IFI44L: variants seen among roughly 807,000 people sequenced by gnomAD.
The protein encoded by IFI44L is interferon-induced protein 44-like.
In IFI44L, 40 loss-of-function variants were observed where a neutral mutation model predicts 39.3. The observed-to-expected ratio is 1.02, with a 90% CI of 0.79 to 1.33. The LOEUF (loss-of-function observed/expected upper bound fraction) is 1.33. IFI44L is among the 40% of genes most tolerant of loss of function. The pLI is 0.00. For synonymous variants in IFI44L, 198 were observed against 182.3 expected, an observed-to-expected ratio of 1.09 and a Z score of -0.69; for missense variants, 623 against 549.0, an observed-to-expected ratio of 1.13 and a Z score of -1.35.
chr1:78,624,066 G>T (rs114998348), intron 1 of IFI44L, among the ~76,000 whole-genome samples: 3,706 of 151,864 alleles, frequency 0.024, 75 homozygotes, highest in East Asian at 0.1. Flanking sequence ...GGAGTGCAGT[G>T]GTGCAATCTC....
chr1:78,643,905 A>G lies in IFI44L; in HGVS notation c.*2096A>G, dbSNP rs1040322771. The stretch of plus-strand genomic sequence containing the variant: ...GCTAACAGTCATGCTGTAAGTAGCT[A>G]CAGGGAATTGGCTTAAAGGGCAAGT... On this transcript the variant is annotated 3_prime_UTR_variant, in exon 9 of 9. Transcript: ENST00000370751. 1 of 152,180 alleles carries G rather than the reference A, an allele frequency of 6.6e-6. No individual in the cohort carries two copies. Among genetic ancestry groups the G allele is most frequent in the Admixed American group, 6.6e-5 (1 of 15,262 alleles). The allele number at this position is 152,180 out of a possible 1,614,324, so 9.4% of individuals were successfully genotyped here. A position where few individuals can be genotyped will look rare whatever the true frequency, so the allele number is the denominator to read the frequency against.
Position 78,628,307 on chromosome 1 carries a change from A to T in IFI44L, c.392A>T (p.Tyr131Phe). 6.2e-7 allele frequency: 1 copy of T among 1,604,846 alleles called. No homozygotes were observed. ...ATTATATGTCGAGATAATAAAATTT[A>T]TCTAGATAAAATGATAACAAGAAAC... Reference protein sequence around the residue: ...IFIICRDNKIYLDKMITRNLK... With the variant: ...IFIICRDNKIFLDKMITRNLK... Residue 131 changes from tyrosine (Y) to phenylalanine (F), a missense_variant, in exon 2 of 9, where the codon TAT (tyrosine) becomes TTT (phenylalanine). Transcript: ENST00000370751.
At chr1:78,631,444 A>G (rs1330426030) in intron 4 of IFI44L, 1 of 152,162 alleles carries the variant, frequency 6.6e-6, no homozygotes, top group African/African-American at 2.4e-5. Flanking sequence ...ATTACAGATT[A>G]CAATAAGTCA....
At chr1:78,622,669 C>T (rs903535872) in intron 1 of IFI44L, among the ~76,000 whole-genome samples, 1 of 152,164 alleles carries the variant, frequency 6.6e-6, no homozygotes, top group African/African-American at 2.4e-5. Context: ...GAGATTCTCT[C>T]CCTTGCTGGT....
intron 1 of IFI44L, among the ~76,000 whole-genome samples, chr1:78,622,552 G>A (rs1461034133): frequency 6.6e-6 from 1 of 151,734 alleles, no homozygotes; most frequent in African/African-American, 2.4e-5. Context: ...TAATACTCAT[G>A]TCCGTGTATA....
At position 78,645,465 on chromosome 1, in the gene IFI44L, G is replaced by C. The variant is rs1647036076; in HGVS notation, c.*3656G>C. 6.6e-6 allele frequency: 1 copy of C among 152,138 alleles called. No homozygotes were observed. Among genetic ancestry groups the C allele is most frequent in the Admixed American group, 6.6e-5 (1 of 15,252 alleles). The allele number at this position is 152,138 out of a possible 1,614,324, so 9.4% of individuals were successfully genotyped here. A position where few individuals can be genotyped will look rare whatever the true frequency, so the allele number is the denominator to read the frequency against. On this transcript the variant is annotated 3_prime_UTR_variant, in exon 9 of 9. Coordinates refer to ENST00000370751, the MANE Select transcript of IFI44L (RefSeq NM_006820.4). Reference sequence around the variant, plus strand: ...AGATAAATTTAAAGACTATCACATTGCTTTTTCATAAAACAAGACAGGTCT... The same window carrying C: ...AGATAAATTTAAAGACTATCACATTCCTTTTTCATAAAACAAGACAGGTCT...
intron 5 of IFI44L, 157 bp from the exon 6 acceptor site, chr1:78,636,875 G>T: frequency 1.8e-6 from 1 of 566,444 alleles, no homozygotes; most frequent in East Asian, 3.2e-5. Flanking sequence ...GCTCACAGTG[G>T]AAAGGAAGTA....
rs1308367454 is a variant in IFI44L, at chr1:78,627,983, C to T, written c.68C>T (p.Ser23Phe). 2.5e-6 allele frequency: 4 copies of T among 1,610,936 alleles called. No individual in the cohort carries two copies. Among genetic ancestry groups the T allele is most frequent in the Admixed American group, 3.4e-5 (2 of 59,430 alleles). Residue 23 changes from serine (S) to phenylalanine (F), a missense_variant, in exon 2 of 9, where the codon TCT becomes TTT. Physicochemically the swap from Ser to Phe is radical, Grantham distance 155 (BLOSUM62 -2). Coordinates refer to ENST00000370751, the MANE Select transcript of IFI44L (RefSeq NM_006820.4). ...CTGCGCAAGCTGCTTGGAAATGTTT[C>T]TTTGAGTCTTCTCTATAAGTCTAGT... is the stretch of plus-strand genomic sequence containing the variant. Reference protein sequence around the residue: ...NHLRKLLGNVSLSLLYKSSVH... With the variant: ...NHLRKLLGNVFLSLLYKSSVH...
chr1:78,637,484 C>T (rs1240712322), intron 6 of IFI44L, among the ~76,000 whole-genome samples: 3 of 151,866 alleles, frequency 2.0e-5, no homozygotes, highest in Non-Finnish European at 4.4e-5. Flanking sequence ...CAGGGAAGAT[C>T]GAAACCAGAA....
At chr1:78,625,322 A>G (rs539131904) in intron 1 of IFI44L, among the ~76,000 whole-genome samples, 6 of 152,228 alleles carry the variant, frequency 3.9e-5, no homozygotes, top group Non-Finnish European at 8.8e-5. Flanking sequence ...AGTTTTTAAA[A>G]ATAGCTATGA....
In IFI44L at chr1:78,645,938, G is replaced by C. The variant is rs552842128; in HGVS notation, c.*4129G>C. On this transcript the variant is annotated 3_prime_UTR_variant, in exon 9 of 9. Coordinates refer to ENST00000370751, the MANE Select transcript of IFI44L (RefSeq NM_006820.4). Reference sequence around the variant, plus strand: ...CAATTCAAACAAATAGACTCAGACTGTTTCAGGCTCCAGGACAGGAAGTGC... The same window carrying C: ...CAATTCAAACAAATAGACTCAGACTCTTTCAGGCTCCAGGACAGGAAGTGC... 3.3e-4 allele frequency: 50 copies of C among 152,254 alleles called. No individual in the cohort carries two copies. The highest frequency in any genetic ancestry group is 1.2e-3 in the African/African-American group (50 of 41,536). 9.4% of individuals were successfully genotyped at this position (152,254 alleles called of 1,614,324 possible).
intron 5 of IFI44L, chr1:78,635,743 G>A: frequency 2.1e-6 from 1 of 478,066 alleles, no homozygotes; most frequent in Non-Finnish European, 3.7e-6. Flanking sequence ...AGGAGATAGT[G>A]TGTTTTTATC....
chr1:78,625,366 CT>C (rs1467594652), intron 1 of IFI44L, among the ~76,000 whole-genome samples: 3 of 151,946 alleles, frequency 2.0e-5, no homozygotes, highest in Non-Finnish European at 2.9e-5. Context: ...TTTATGTCAG[CT>C]TTGGTAAGTT....
intron 2 of IFI44L, 106 bp downstream of exon 2, chr1:78,628,499 G>A: frequency 1.4e-6 from 1 of 704,596 alleles, no homozygotes; most frequent in South Asian, 1.9e-5. Context: ...GGAACAGTTA[G>A]ATTCATGCCA....
rs892721525 is a variant in IFI44L, at chr1:78,628,019, G to T, written c.104G>T (p.Gly35Val). 1 of 1,613,032 alleles carries T rather than the reference G, an allele frequency of 6.2e-7. No individual in the cohort carries two copies. Among genetic ancestry groups the T allele is most frequent in the African/African-American group, 1.3e-5 (1 of 74,874 alleles). ...CTCTATAAGTCTAGTGTTCATGGAG[G>T]TAGCATTGAAGATATGGTTGAAAGA... is the stretch of plus-strand genomic sequence containing the variant. ...SLLYKSSVHG[G>V]SIEDMVERCS... Residue 35 changes from glycine (G) to valine (V), a missense_variant, in exon 2 of 9, where the codon GGT (glycine) becomes GTT (valine). Gly to Val is a moderately radical substitution (Grantham distance 109). Transcript: ENST00000370751.
intron 1 of IFI44L, chr1:78,626,205 T>C (rs1382922635): frequency 2.0e-5 from 3 of 152,026 alleles, no homozygotes; most frequent in Non-Finnish European, 4.4e-5. Context: ...TGCAGTTAAA[T>C]GTATTCATTT....
intron 5 of IFI44L, among the ~76,000 whole-genome samples, chr1:78,636,194 AT>A (rs368438817): frequency 1.2e-4 from 18 of 152,252 alleles, no homozygotes; most frequent in African/African-American, 4.3e-4. Flanking sequence ...TTATTTATTC[AT>A]TCAAAAACCA....
intron 6 of IFI44L, among the ~76,000 whole-genome samples, chr1:78,638,747 C>G (rs956066477): frequency 6.6e-6 from 1 of 152,070 alleles, no homozygotes; most frequent in Non-Finnish European, 1.5e-5. Context: ...GGTTCTTAAG[C>G]ATTTTTATGA....
chr1:78,630,860 T>A lies in IFI44L; in HGVS notation c.723+945T>A, dbSNP rs1206969283. 8.5e-5 allele frequency among the ~76,000 whole-genome samples: 13 copies of A among 152,056 alleles called. No homozygotes were observed. In the Middle Eastern group the frequency reaches 0.014, roughly 159 times the overall value. On this transcript the variant is annotated intron_variant, in intron 4 of 8. Coordinates refer to ENST00000370751, the MANE Select transcript of IFI44L (RefSeq NM_006820.4). ...TGTAGTCTCAGAAGCCGTGGCAAGG[T>A]ACGGCAGCACAAATTAAATTAATTA...
Sources: gnomAD v4.1 joint callset for allele counts (sites outside exome capture counted in the v4.1 genomes callset) on GRCh38, gnomAD v4.1.1 for gene constraint, MANE v1.5 for transcripts, NCBI Gene and HGNC (gene_info 2026-07-23, HGNC 2026-07-21) for gene names.